RGS6: variants seen among roughly 807,000 people sequenced by gnomAD.
The protein encoded by RGS6 is regulator of G protein signaling 6, also known as regulator of G-protein signaling 6.
In RGS6, 30 loss-of-function variants were observed where a neutral mutation model predicts 78.5. That is an observed-to-expected ratio of 0.38 (90% CI 0.29 to 0.52). The LOEUF is 0.52. Ranked by LOEUF, RGS6 falls within the 20% of genes least tolerant of loss-of-function variation. The pLI is 0.85. For missense variants in RGS6, 495 were observed against 609.7 expected, an observed-to-expected ratio of 0.81 and a Z score of 1.98; for synonymous variants, 206 against 206.0, an observed-to-expected ratio of 1.00 and a Z score of 0.00.
intron 2 of RGS6, among the ~76,000 whole-genome samples, chr14:72,049,110 T>A (rs563653840): frequency 2.0e-5 from 3 of 152,196 alleles, no homozygotes; most frequent in South Asian, 4.2e-4. Context: ...GTGAAAAAAA[T>A]TTTTCTTAGG....
At chr14:72,202,624 CAA>C (rs894134669) in intron 2 of RGS6, among the ~76,000 whole-genome samples, 1 of 152,086 alleles carries the variant, frequency 6.6e-6, no homozygotes, top group African/African-American at 2.4e-5. Flanking sequence ...GGAGAGTAAG[CAA>C]ACTTACTGCC....
chr14:71,896,169 C>G, the RGS6 span, among the ~76,000 whole-genome samples: 2 of 152,090 alleles, frequency 1.3e-5, no homozygotes, highest in African/African-American at 4.8e-5. Context: ...GTTCTTGGAT[C>G]TCAAGCAAGA....
At position 72,510,376 on chromosome 14, in the gene RGS6, A is replaced by G. The variant is rs4346151; in HGVS notation, c.1091+97A>G. 0.14 allele frequency: 213,517 copies of G among 1,495,174 alleles called. 16,492 individuals carry two copies. The highest frequency in any genetic ancestry group is 0.26 in the African/African-American group (18,842 of 71,884). 92.6% of individuals were successfully genotyped at this position (1,495,174 alleles called of 1,614,324 possible). ...CTCTCTCTCTCAATGAAACGTTATC[A>G]GGGTTCAAATTCAAATGCCAGCTAA... On this transcript the variant is annotated intron_variant, in intron 14 of 17. Coordinates refer to ENST00000553525, the MANE Select transcript of RGS6 (RefSeq NM_001204424.2).
intron 2 of RGS6, among the ~76,000 whole-genome samples, chr14:72,219,025 GACTAAAGTGCCTTT>G (rs2046258237): frequency 6.6e-6 from 1 of 151,732 alleles, no homozygotes; most frequent in African/African-American, 2.4e-5. Context: ...GCACTTTACA[GACTAAAGTGCCTTT>G]ACTAAAGTCT....
chr14:72,242,196 T>G (rs2053041155), intron 2 of RGS6, among the ~76,000 whole-genome samples: 1 of 152,170 alleles, frequency 6.6e-6, no homozygotes, highest in African/African-American at 2.4e-5. Flanking sequence ...AGATAAGGGT[T>G]TATATACCAA....
At chr14:72,425,289 T>C (rs2094387822) in intron 3 of RGS6, among the ~76,000 whole-genome samples, 1 of 151,990 alleles carries the variant, frequency 6.6e-6, no homozygotes, top group South Asian at 2.1e-4. Flanking sequence ...CAGATACACA[T>C]TGCCACACCC....
At chr14:72,178,839 C>A (rs1414362572) in intron 2 of RGS6, among the ~76,000 whole-genome samples, 1 of 152,182 alleles carries the variant, frequency 6.6e-6, no homozygotes, top group Admixed American at 6.5e-5. Context: ...ATAAATAGTT[C>A]AAACTTTCAG....
chr14:72,293,193 C>T (rs116963681), intron 2 of RGS6, among the ~76,000 whole-genome samples: 39 of 152,282 alleles, frequency 2.6e-4, no homozygotes, highest in Admixed American at 1.2e-3. Context: ...TGGGTATTCC[C>T]GTCAGAACCT....
At chr14:71,928,475 CCAAAACT>C (rs1369770347), upstream of RGS6, among the ~76,000 whole-genome samples, 1 of 152,084 alleles carries the variant, frequency 6.6e-6, no homozygotes, top group African/African-American at 2.4e-5. Flanking sequence ...GCCACATGAC[CCAAAACT>C]CATTATCCTC....
chr14:72,418,444 G>T (rs374109691), intron 3 of RGS6, among the ~76,000 whole-genome samples: 25 of 152,154 alleles, frequency 1.6e-4, no homozygotes. Context: ...TAGGATTACA[G>T]GCATGAGCCA....
At chr14:72,577,902 A>G in the RGS6 span, among the ~76,000 whole-genome samples, 1 of 152,224 alleles carries the variant, frequency 6.6e-6, no homozygotes, top group African/African-American at 2.4e-5. Flanking sequence ...CTTTAAACAG[A>G]AAAGGAAGAT....
chr14:72,114,616 G>A (rs1190976402), intron 2 of RGS6, among the ~76,000 whole-genome samples: 1 of 152,202 alleles, frequency 6.6e-6, no homozygotes, highest in African/African-American at 2.4e-5. Context: ...TGGTGCGGGA[G>A]TTACCCAGTA....
At chr14:72,015,812 T>C (rs2086829261) in intron 2 of RGS6, among the ~76,000 whole-genome samples, 1 of 152,234 alleles carries the variant, frequency 6.6e-6, no homozygotes, top group African/African-American at 2.4e-5. Context: ...CTCTGCGTTC[T>C]AGTGTGATTG....
chr14:72,603,066 G>A, the RGS6 span, among the ~76,000 whole-genome samples: 1 of 152,212 alleles, frequency 6.6e-6, no homozygotes, highest in Admixed American at 6.5e-5. Flanking sequence ...GTGAATGCCT[G>A]TTTAGGGACT....
chr14:71,965,285 A>T (rs944636182), intron 2 of RGS6, among the ~76,000 whole-genome samples: 2 of 152,234 alleles, frequency 1.3e-5, no homozygotes, highest in Non-Finnish European at 2.9e-5. Flanking sequence ...GAGACATAAG[A>T]TGTACACAAA....
chr14:72,330,931 G>T (rs1426522523), intron 2 of RGS6, among the ~76,000 whole-genome samples: 1 of 152,178 alleles, frequency 6.6e-6, no homozygotes, highest in Non-Finnish European at 1.5e-5. Context: ...AAGCCCAGTG[G>T]TCTGCAGGGT....
intron 2 of RGS6, among the ~76,000 whole-genome samples, chr14:72,094,282 T>A (rs1480646775): frequency 2.6e-5 from 4 of 152,250 alleles, no homozygotes; most frequent in African/African-American, 9.6e-5. Flanking sequence ...CTACATTTAG[T>A]ATGTTTATAT....
At chr14:72,350,541 A>G (rs943897170) in intron 2 of RGS6, among the ~76,000 whole-genome samples, 1 of 152,140 alleles carries the variant, frequency 6.6e-6, no homozygotes, top group Non-Finnish European at 1.5e-5. Context: ...AACATGCTCT[A>G]TGTAACTTCT....
intron 2 of RGS6, among the ~76,000 whole-genome samples, chr14:72,222,434 C>T (rs1006299274): frequency 5.9e-5 from 9 of 152,226 alleles, no homozygotes; most frequent in Non-Finnish European, 8.8e-5. Context: ...AGCATGTGCC[C>T]TGTCTCCAGG....
Sources: gnomAD v4.1 joint callset for allele counts (sites outside exome capture counted in the v4.1 genomes callset) on GRCh38, gnomAD v4.1.1 for gene constraint, MANE v1.5 for transcripts, NCBI Gene and HGNC (gene_info 2026-07-23, HGNC 2026-07-21) for gene names.